Variants in KMT2D observed in about 807,000 individuals in gnomAD.
KMT2D encodes histone-lysine N-methyltransferase 2D.
A neutral mutation model predicts 512.7 loss-of-function variants in KMT2D; 55 were observed. That is an observed-to-expected ratio of 0.11 (90% confidence interval 0.09 to 0.13). The LOEUF (loss-of-function observed/expected upper bound fraction) is 0.13. Ranked by LOEUF, KMT2D falls within the 10% of genes least tolerant of loss-of-function variation. KMT2D has a pLI of 1.00. For synonymous variants in KMT2D, 2,995 were observed against 2,904.0 expected, an observed-to-expected ratio of 1.03 and a Z score of -1.01; for missense variants, 6,061 against 7,127.9, an observed-to-expected ratio of 0.85 and a Z score of 5.39.
At chr12:49,056,430 C>T (rs1938414589) in intron 1 of KMT2D, among the ~76,000 whole-genome samples, 2 of 151,606 alleles carry the variant, frequency 1.3e-5, no homozygotes, top group Admixed American at 6.6e-5. Context: ...TTTCCTAGAT[C>T]TCAGAGGGAA....
intron 1 of KMT2D, among the ~76,000 whole-genome samples, chr12:49,056,140 G>A (rs933884395): frequency 2.6e-5 from 4 of 152,194 alleles, no homozygotes; most frequent in Admixed American, 1.3e-4. Context: ...GAGAGTTACT[G>A]AGCATGTGTA....
chr12:49,030,200 T>C (rs1351829673), intron 43 of KMT2D, 80 bp downstream of exon 43: 1 of 1,282,432 alleles, frequency 7.8e-7, no homozygotes, highest in East Asian at 2.6e-5. Flanking sequence ...ACCCACTAAT[T>C]TCTAAACTGT....
In KMT2D at chr12:49,032,112, C is replaced by A; in HGVS notation, c.12593G>T (p.Arg4198Leu). Residue 4198 changes from arginine (R) to leucine (L), a missense_variant, in exon 40 of 55, where the codon CGA (arginine) becomes CTA (leucine). This residue lies in a region of KMT2D where 1,600 missense variants were observed against 1,754.9 expected (regional missense o/e 0.91). Coordinates refer to ENST00000301067, the MANE Select transcript of KMT2D (RefSeq NM_003482.4). The part of the protein sequence containing the change: ...VGIMPTVGQL[R>L]AQLQGVLAKN... Reference sequence around the variant, plus strand: ...GGCCAGGACTCCTTGGAGCTGTGCTCGAAGCTGACCCACCGTAGGCATGAT... The same window carrying A: ...GGCCAGGACTCCTTGGAGCTGTGCTAGAAGCTGACCCACCGTAGGCATGAT... 1 of 1,613,832 alleles carries A rather than the reference C, an allele frequency of 6.2e-7. No individual in the cohort carries two copies. Among genetic ancestry groups the A allele is most frequent in the Non-Finnish European group, 8.5e-7 (1 of 1,179,828 alleles).
At position 49,032,635 on chromosome 12, in the gene KMT2D, T is replaced by C. The variant is rs1463911667; in HGVS notation, c.12070A>G (p.Lys4024Glu). 6.2e-7 allele frequency: 1 copy of C among 1,613,848 alleles called. No homozygotes were observed. Among genetic ancestry groups the C allele is most frequent in the African/African-American group, 1.3e-5 (1 of 74,916 alleles). Residue 4024 changes from lysine (K) to glutamate (E), a missense_variant, in exon 40 of 55, where the codon AAG (lysine) becomes GAG (glutamate). By Grantham distance (56) the Lys-to-Glu change is moderately conservative. Around this residue, in one of 16 missense-constraint regions of KMT2D, gnomAD observed 1,600 missense variants for 1,754.9 expected, o/e 0.91. Coordinates refer to ENST00000301067, the MANE Select transcript of KMT2D (RefSeq NM_003482.4). ...GCTGGGTCTACGGTGTTTTGTTCCT[T>C]GCCCGTCAGGAGGAGGGTTGGACCC... ...ALGPTLLLTG[K>E]EQNTVDPAVS... is the part of the protein sequence containing the mutation.
rs779643137 is a variant in KMT2D at position 49,034,053 on chromosome 12, T to G, written c.10740+14A>C. On this transcript the variant is annotated intron_variant, in intron 39 of 54. Coordinates refer to ENST00000301067, the MANE Select transcript of KMT2D (RefSeq NM_003482.4). ...TGCCTTCTGGGTGCTAGGCTGAAGT[T>G]TGCTTTCCCCCACCTGATCCAGTTG... The G allele has an allele frequency of 1.1e-5, 17 of 1,608,888 alleles. No homozygotes were observed. Among genetic ancestry groups the G allele is most frequent in the Non-Finnish European group, 1.4e-5 (17 of 1,178,310 alleles).
At position 49,026,554 on chromosome 12, in the gene KMT2D, T is replaced by TCTTGA. The variant is rs1942600961; in HGVS notation, c.15411_15412insTCAAG (p.Ile5138SerfsTer11). Reference sequence around the variant, plus strand: ...AGCTCTTGCTCACAGGGCCCCTTGATCTTATGCATTGGACACAGCATGGTC... The same window carrying TCTTGA: ...AGCTCTTGCTCACAGGGCCCCTTGATCTTGACTTATGCATTGGACACAGCATGGTC... On this transcript the variant is annotated frameshift_variant, in exon 49 of 55. Coordinates refer to ENST00000301067, the MANE Select transcript of KMT2D (RefSeq NM_003482.4). LOFTEE classifies it high-confidence loss of function. The surrounding 1 kb of genome is among the most constrained non-coding windows in gnomAD (Gnocchi z 9.6). 1 of 1,613,862 alleles carries TCTTGA rather than the reference T, an allele frequency of 6.2e-7. No individual in the cohort carries two copies. Among genetic ancestry groups the TCTTGA allele is most frequent in the Admixed American group, 1.7e-5 (1 of 60,010 alleles).
At chr12:49,056,256 C>A (rs761178696) in intron 1 of KMT2D, among the ~76,000 whole-genome samples, 17 of 152,190 alleles carry the variant, frequency 1.1e-4, no homozygotes, top group Non-Finnish European at 1.9e-4. Flanking sequence ...AGCGGAGTAG[C>A]TTCCTTCCTC....
chr12:49,048,740 C>A lies in KMT2D; in HGVS notation c.4050G>T (p.Lys1350Asn). ...VVADIDSSPS[K>N]EEEEEDDDTM... Reference sequence around the variant, plus strand: ...TGTCATCATCTTCTTCCTCCTCCTCCTTACTGGGAGAGCTATCAATGTCAG... The same window carrying A: ...TGTCATCATCTTCTTCCTCCTCCTCATTACTGGGAGAGCTATCAATGTCAG... Residue 1350 changes from lysine to asparagine, a missense_variant, in exon 14 of 55, where the codon AAG (lysine) becomes AAT (asparagine). Lys to Asn is a moderately conservative substitution (Grantham distance 94). Transcript: ENST00000301067. The A allele has an allele frequency of 1.2e-6, 2 of 1,611,628 alleles. No individual in the cohort carries two copies. Among genetic ancestry groups the A allele is most frequent in the Non-Finnish European group, 1.7e-6 (2 of 1,178,384 alleles).
chr12:49,032,541 G>A lies in KMT2D; in HGVS notation c.12164C>T (p.Pro4055Leu), dbSNP rs1328828117. The change falls in exon 40 of 55, where the codon CCT (proline) becomes CTT (leucine). Residue 4055 changes from proline to leucine, a missense_variant. Pro to Leu is a moderately conservative substitution (Grantham distance 98). Coordinates refer to ENST00000301067, the MANE Select transcript of KMT2D (RefSeq NM_003482.4). ...TCCTGGTTCAGTGGCCATTGACTCA[G>A]GGGTAGTTCCTATTGCTAACGGCCC... is the stretch of plus-strand genomic sequence containing the variant. Reference protein sequence around the residue: ...QGGPLAIGTTPESMATEPGEV... With the variant: ...QGGPLAIGTTLESMATEPGEV... 6.2e-7 allele frequency: 1 copy of A among 1,607,460 alleles called. No homozygotes were observed. Among genetic ancestry groups the A allele is most frequent in the Non-Finnish European group, 8.5e-7 (1 of 1,176,972 alleles).
chr12:49,058,210 G>A (rs1002128318), intron 1 of KMT2D, among the ~76,000 whole-genome samples: 42 of 152,206 alleles, frequency 2.8e-4, no homozygotes, highest in African/African-American at 9.4e-4. Context: ...CTGTGTCCCT[G>A]GCTCATCCTG....
In KMT2D at chr12:49,019,192, T is replaced by C. The variant is rs546682701; in HGVS notation, c.*2588A>G. ...ATCCGTTGTTACGAAGGACCAACCTTGCTGTACAGGATACACACAACACAA... is the reference window on the plus strand; with the variant it reads ...ATCCGTTGTTACGAAGGACCAACCTCGCTGTACAGGATACACACAACACAA... On this transcript the variant is annotated 3_prime_UTR_variant, in exon 55 of 55. Coordinates refer to ENST00000301067, the MANE Select transcript of KMT2D (RefSeq NM_003482.4). 1.7e-4 allele frequency: 184 copies of C among 1,081,630 alleles called. No homozygotes were observed. In the African/African-American group the frequency reaches 2.5e-3, roughly 15 times the overall value. 67.0% of individuals were successfully genotyped at this position (1,081,630 alleles called of 1,614,324 possible). A position where few individuals can be genotyped will look rare whatever the true frequency, so the allele number is the denominator to read the frequency against.
rs761270194 is a variant in KMT2D at position 49,031,912 on chromosome 12, C to G, written c.12793G>C (p.Gly4265Arg). 7 of 1,535,524 alleles carry G rather than the reference C, an allele frequency of 4.6e-6. No individual in the cohort carries two copies. Among genetic ancestry groups the G allele is most frequent in the Non-Finnish European group, 6.1e-6 (7 of 1,142,356 alleles). ...GGGCCTGTCTGTGGTCCAGGGAAGC[C>G]CCCAAGTTGAGGTTGGCAGCCCAGG... ...GLLGCQPQLG[G>R]FPGPQTGPLQ... The change falls in exon 40 of 55, where the codon GGC becomes CGC. Residue 4265 changes from glycine to arginine, a missense_variant. Coordinates refer to ENST00000301067, the MANE Select transcript of KMT2D (RefSeq NM_003482.4).
Position 49,051,960 on chromosome 12 carries a change from G to GGGGCAGCAGTGGCATCTCCTCGTT in KMT2D, c.1722_1723insAACGAGGAGATGCCACTGCTGCCC (p.Pro574_Pro575insAsnGluGluMetProLeuLeuPro), listed in dbSNP as rs1938077878. The GGGGCAGCAGTGGCATCTCCTCGTT allele has an allele frequency of 6.2e-7, 1 of 1,613,600 alleles. No individual in the cohort carries two copies. The highest frequency in any genetic ancestry group is 1.3e-5 in the African/African-American group (1 of 74,824). On this transcript the variant is annotated inframe_insertion, in exon 11 of 55. Transcript: ENST00000301067. Reference sequence around the variant, plus strand: ...GGGGACATGGGTGACTCCTCAGGTGGTGGAGACAGGCGAGATGCTTCAGGT... The same window carrying GGGGCAGCAGTGGCATCTCCTCGTT: ...GGGGACATGGGTGACTCCTCAGGTGGGGGCAGCAGTGGCATCTCCTCGTTTGGAGACAGGCGAGATGCTTCAGGT...
Position 49,046,219 on chromosome 12 carries a change from C to G in KMT2D, c.4583+41G>C, listed in dbSNP as rs2120602926. 1 of 1,613,492 alleles carries G rather than the reference C, an allele frequency of 6.2e-7. No homozygotes were observed. The highest frequency in any genetic ancestry group is 1.1e-5 in the South Asian group (1 of 91,030). ...GGAAATAAGCTCAGGCAATGCGAGGCTGGCAACAGGGCCAAAGTGAGGAGA... is the reference window on the plus strand; with the variant it reads ...GGAAATAAGCTCAGGCAATGCGAGGGTGGCAACAGGGCCAAAGTGAGGAGA... On this transcript the variant is annotated intron_variant, in intron 17 of 54. Transcript: ENST00000301067. The surrounding 1 kb of genome is among the most constrained non-coding windows in gnomAD (Gnocchi z 4.2).
Position 49,037,832 on chromosome 12 carries a change from C to T in KMT2D, c.9524G>A (p.Ser3175Asn), listed in dbSNP as rs561143653. The change falls in exon 35 of 55, where the codon AGC becomes AAC. Residue 3175 changes from serine (S) to asparagine (N), a missense_variant. By Grantham distance (46) the Ser-to-Asn change is conservative. Coordinates refer to ENST00000301067, the MANE Select transcript of KMT2D (RefSeq NM_003482.4). ...GGCCTTCTCAGCTGTGTGCCCACTGCTAGAAAATGGCCCTGTGCCCATCCG... is the reference window on the plus strand; with the variant it reads ...GGCCTTCTCAGCTGTGTGCCCACTGTTAGAAAATGGCCCTGTGCCCATCCG... ...DTRMGTGPFS[S>N]SGHTAEKASF... The T allele has an allele frequency of 4.4e-6, 7 of 1,597,250 alleles. No individual in the cohort carries two copies. The African/African-American group carries it at 6.7e-5, about 15-fold the overall frequency.
chr12:49,043,656 C>T lies in KMT2D; in HGVS notation c.5446G>A (p.Glu1816Lys), dbSNP rs2120571464. 2 of 1,614,044 alleles carry T rather than the reference C, an allele frequency of 1.2e-6. No individual in the cohort carries two copies. Among genetic ancestry groups the T allele is most frequent in the Non-Finnish European group, 1.7e-6 (2 of 1,179,898 alleles). ...AKGDGGSERK[E>K]LPTSQKGDDG... ...TAACCTTTCTGCGATGTGGGGAGTTCCTTCCTTTCTGAGCCTCCATCTCCC... is the reference window on the plus strand; with the variant it reads ...TAACCTTTCTGCGATGTGGGGAGTTTCTTCCTTTCTGAGCCTCCATCTCCC... Residue 1816 changes from glutamate to lysine, a missense_variant, in exon 24 of 55, where the codon GAA (glutamate) becomes AAA (lysine). Transcript: ENST00000301067.
At position 49,033,122 on chromosome 12, in the gene KMT2D, T is replaced by TTGC. The variant is rs748986705; in HGVS notation, c.11580_11582dup (p.Gln3863dup). On this transcript the variant is annotated inframe_insertion, in exon 40 of 55. Transcript: ENST00000301067. ...TGGACCCTTGCTGTTGGTGCTGTTG[T>TTGC]TGCTGCTGCTGCTGCTGGGCTGTGA... 8.6e-5 allele frequency: 133 copies of TTGC among 1,551,266 alleles called. No individual in the cohort carries two copies. In the African/African-American group the frequency reaches 9.9e-4, roughly 11 times the overall value.
In KMT2D at chr12:49,022,518, T is replaced by C. The variant is rs2137705695; in HGVS notation, c.16338+72A>G. On this transcript the variant is annotated intron_variant, in intron 52 of 54. Transcript: ENST00000301067. The surrounding 1 kb of genome is among the most constrained non-coding windows in gnomAD (Gnocchi z 8.6). Reference sequence around the variant, plus strand: ...CCACAGCTTTCCTCCTGCTCTCCTGTGACCAATCCTGCCCTTGCTCCTTGG... The same window carrying C: ...CCACAGCTTTCCTCCTGCTCTCCTGCGACCAATCCTGCCCTTGCTCCTTGG... 1 of 1,563,792 alleles carries C rather than the reference T, an allele frequency of 6.4e-7. No homozygotes were observed. Among genetic ancestry groups the C allele is most frequent in the South Asian group, 1.2e-5 (1 of 84,986 alleles).
intron 12 of KMT2D, 53 bp from the exon 13 acceptor site, chr12:49,049,271 G>T: frequency 8.9e-7 from 1 of 1,129,008 alleles, no homozygotes. Flanking sequence ...TAGTGTGTTG[G>T]GTTTACACAC....
Sources: gnomAD v4.1 joint callset for allele counts (sites outside exome capture counted in the v4.1 genomes callset) on GRCh38, gnomAD v4.1.1 for gene constraint, gnomAD v4.1.1 regional missense constraint, Gnocchi (gnomAD v3.1) non-coding constraint, MANE v1.5 for transcripts, NCBI Gene and HGNC (gene_info 2026-07-23, HGNC 2026-07-21) for gene names.